FSTL5: variants seen among roughly 807,000 people sequenced by gnomAD.
FSTL5 encodes the protein follistatin-related protein 5.
FSTL5 carries 62 observed loss-of-function variants against 89.1 expected under a neutral mutation model. The ratio of observed to expected loss-of-function variants is 0.70; its 90% confidence interval spans 0.57 to 0.86. FSTL5 has a LOEUF of 0.86. Ranked by LOEUF, FSTL5 falls within the 40% of genes least tolerant of loss-of-function variation. FSTL5 has a pLI of 0.00. For synonymous variants in FSTL5, 383 were observed against 346.2 expected (o/e 1.11, Z -1.18); for missense variants, 1,057 against 1,001.6 (o/e 1.06, Z -0.75).
At chr4:161,466,544 T>G (rs1733753616) in intron 13 of FSTL5, among the ~76,000 whole-genome samples, 1 of 152,146 alleles carries the variant, frequency 6.6e-6, no homozygotes, top group African/African-American at 2.4e-5. Context: ...AGGAGACTGC[T>G]GATAATACTT....
chr4:161,853,149 T>C (rs1731609486), intron 4 of FSTL5, among the ~76,000 whole-genome samples: 1 of 152,232 alleles, frequency 6.6e-6, no homozygotes. Context: ...TTTGTTGAGC[T>C]TATCTGTTTT....
chr4:162,041,444 G>T (rs148364894), intron 2 of FSTL5, among the ~76,000 whole-genome samples: 64 of 152,076 alleles, frequency 4.2e-4, no homozygotes, highest in African/African-American at 1.4e-3. Context: ...TCTTATGTTG[G>T]TAAGAAATGT....
intron 3 of FSTL5, among the ~76,000 whole-genome samples, chr4:161,992,862 AT>A (rs1319465772): frequency 0.12 from 4,557 of 38,114 alleles, 651 homozygotes; most frequent in African/African-American, 0.28. Context: ...AAAAAAAAAA[AT>A]ATATATATAT....
chr4:161,993,710 T>A (rs1471055479), intron 3 of FSTL5, among the ~76,000 whole-genome samples: 2 of 152,072 alleles, frequency 1.3e-5, no homozygotes, highest in Non-Finnish European at 2.9e-5. Context: ...TCTAGCATGC[T>A]TGTTGTGTAG....
intron 4 of FSTL5, among the ~76,000 whole-genome samples, chr4:161,813,293 T>C (rs927281813): frequency 6.6e-5 from 10 of 152,124 alleles, no homozygotes; most frequent in African/African-American, 2.4e-4. Flanking sequence ...CCTCCCAAAG[T>C]GCTGGGATTA....
At chr4:161,563,355 T>C (rs1732674240) in intron 8 of FSTL5, among the ~76,000 whole-genome samples, 1 of 151,948 alleles carries the variant, frequency 6.6e-6, no homozygotes, top group South Asian at 2.1e-4. Context: ...CTATTGCTAT[T>C]TTTTTAGAAA....
intron 2 of FSTL5, among the ~76,000 whole-genome samples, chr4:162,101,753 G>A (rs1302902261): frequency 6.6e-6 from 1 of 152,112 alleles, no homozygotes; most frequent in East Asian, 1.9e-4. Context: ...CATGCCGAAT[G>A]TCAAGCTCAT....
At chr4:161,411,674 A>G (rs1731597527) in intron 15 of FSTL5, among the ~76,000 whole-genome samples, 1 of 152,288 alleles carries the variant, frequency 6.6e-6, no homozygotes, top group Non-Finnish European at 1.5e-5. Context: ...CTAGGCATCA[A>G]AGGAACATAC....
chr4:162,050,302 A>G (rs1430536762), intron 2 of FSTL5, among the ~76,000 whole-genome samples: 1 of 151,406 alleles, frequency 6.6e-6, no homozygotes, highest in East Asian at 1.9e-4. Flanking sequence ...AGGAAAAATA[A>G]TTATATTGAC....
rs746356276 is a variant in FSTL5 at position 161,385,815 on chromosome 4, T to C, written c.2476A>G (p.Asn826Asp). ...DSLFILDGRL[N>D]KLNCEITEVE... ...TCAGTGATCTCACAGTTTAATTTAT[T>C]GAGTCGTCCATCTAGGATGAAGAGA... The change falls in exon 16 of 16, where the codon AAT becomes GAT. Residue 826 changes from asparagine (N) to aspartate (D), a missense_variant. This residue lies in a region of FSTL5 where 68 missense variants were observed against 73.3 expected (regional missense o/e 0.93). Coordinates refer to ENST00000306100, the MANE Select transcript of FSTL5 (RefSeq NM_020116.5). The C allele has an allele frequency of 6.2e-7, 1 of 1,612,614 alleles. No homozygotes were observed. The highest frequency in any genetic ancestry group is 8.5e-7 in the Non-Finnish European group (1 of 1,179,594).
At chr4:162,080,003 C>A (rs1469051346) in intron 2 of FSTL5, among the ~76,000 whole-genome samples, 2 of 151,414 alleles carry the variant, frequency 1.3e-5, no homozygotes, top group African/African-American at 4.8e-5. Flanking sequence ...GAAGGTACTA[C>A]AAATTTTTCC....
chr4:161,408,826 C>T (rs777726302), intron 15 of FSTL5, among the ~76,000 whole-genome samples: 8 of 152,052 alleles, frequency 5.3e-5, no homozygotes, highest in African/African-American at 1.7e-4. Context: ...AATCTCAGAG[C>T]GTGAAGACCA....
At chr4:162,103,951 G>GT (rs1731104475) in intron 2 of FSTL5, among the ~76,000 whole-genome samples, 1 of 152,180 alleles carries the variant, frequency 6.6e-6, no homozygotes, top group Non-Finnish European at 1.5e-5. Flanking sequence ...GCTGGCAAGG[G>GT]CAACCCCCTT....
chr4:162,056,962 T>G (rs1738564180), intron 2 of FSTL5, among the ~76,000 whole-genome samples: 1 of 152,250 alleles, frequency 6.6e-6, no homozygotes, highest in Admixed American at 6.5e-5. Context: ...GTTGTGAATT[T>G]CATTATCACA....
intron 5 of FSTL5, among the ~76,000 whole-genome samples, chr4:161,766,907 G>A (rs906160749): frequency 8.8e-5 from 4 of 45,208 alleles, no homozygotes; most frequent in East Asian, 6.6e-4. Flanking sequence ...ATGATAGATC[G>A]ATTGATAGAT....
chr4:161,865,252 G>A (rs1216814259), intron 4 of FSTL5, among the ~76,000 whole-genome samples: 4 of 152,016 alleles, frequency 2.6e-5, no homozygotes, highest in African/African-American at 4.8e-5. Flanking sequence ...GATAAAAAGC[G>A]ACCAAGAGTT....
intron 4 of FSTL5, among the ~76,000 whole-genome samples, chr4:161,825,782 T>C (rs959365263): frequency 2.0e-5 from 3 of 152,182 alleles, no homozygotes; most frequent in Admixed American, 1.3e-4. Context: ...CTCTCTTCCT[T>C]ACCTAGTTAA....
At chr4:161,413,067 T>C (rs1731648118) in intron 15 of FSTL5, among the ~76,000 whole-genome samples, 1 of 152,026 alleles carries the variant, frequency 6.6e-6, no homozygotes, top group Non-Finnish European at 1.5e-5. Context: ...CAATGGGACC[T>C]TTTTAAGCTA....
chr4:161,418,302 A>C (rs138835574), intron 15 of FSTL5, among the ~76,000 whole-genome samples: 100 of 152,346 alleles, frequency 6.6e-4, no homozygotes, highest in Non-Finnish European at 1.2e-3. Context: ...GTTAGAAAAT[A>C]AATAAATGAA....
Sources: allele counts gnomAD v4.1 joint callset (sites outside exome capture counted in the v4.1 genomes callset), GRCh38; gene constraint gnomAD v4.1.1; regional missense constraint gnomAD v4.1.1; transcripts MANE v1.5; gene names NCBI Gene and HGNC (gene_info 2026-07-23, HGNC 2026-07-21).